C11orf65: variants seen among roughly 807,000 people sequenced by gnomAD.
The protein encoded by C11orf65 is chromosome 11 open reading frame 65, also known as protein MFI.
A neutral mutation model predicts 35.3 loss-of-function variants in C11orf65; 38 were observed. The observed-to-expected ratio is 1.08, with a 90% CI of 0.83 to 1.41. The LOEUF (loss-of-function observed/expected upper bound fraction) is 1.41, where lower values mean the gene tolerates loss of function less well. C11orf65 is among the 40% of genes most tolerant of loss of function. The probability of loss-of-function intolerance (pLI) is 0.00; values close to 1 mark genes in which losing one functional copy is unlikely to be tolerated. For synonymous variants in C11orf65, 105 were observed against 114.4 expected, an observed-to-expected ratio of 0.92 and a Z score of 0.53; for missense variants, 370 against 367.1, an observed-to-expected ratio of 1.01 and a Z score of -0.06.
At chr11:108,376,046 A>AAC (rs2091714860) in intron 2 of C11orf65, among the ~76,000 whole-genome samples, 1 of 152,118 alleles carries the variant, frequency 6.6e-6, no homozygotes, top group Non-Finnish European at 1.5e-5. Flanking sequence ...GGGAGACTTT[A>AAC]ACACCCCACT....
chr11:108,441,328 C>T (rs922768306), intron 2 of C11orf65, among the ~76,000 whole-genome samples: 2 of 152,196 alleles, frequency 1.3e-5, no homozygotes, highest in East Asian at 1.9e-4. Flanking sequence ...CCGGGAAGCT[C>T]GAATTGGGTG....
chr11:108,380,875 C>T (rs2091853133), downstream of C11orf65, among the ~76,000 whole-genome samples: 1 of 152,292 alleles, frequency 6.6e-6, no homozygotes, highest in Admixed American at 6.5e-5. Context: ...ATCAGAACCA[C>T]TATCTAAGGA....
intron 3 of C11orf65, among the ~76,000 whole-genome samples, chr11:108,427,719 CT>C (rs1565682348): frequency 1.1e-4 from 1 of 9,490 alleles, no homozygotes; most frequent in African/African-American, 4.7e-4. Flanking sequence ...GAAACTCCGC[CT>C]CAAAAAAAAA....
At chr11:108,365,779 C>T (rs944900966) in intron 2 of C11orf65, 12 of 442,514 alleles carry the variant, frequency 2.7e-5, no homozygotes, top group East Asian at 8.5e-5. Flanking sequence ...TTTGGGAGGC[C>T]GAGGTGAGCG....
chr11:108,336,988 A>G (rs558452239), intron 2 of C11orf65, among the ~76,000 whole-genome samples: 2 of 152,204 alleles, frequency 1.3e-5, no homozygotes, highest in Non-Finnish European at 2.9e-5. Context: ...AACAGGGACT[A>G]TGGGTGACAT....
At chr11:108,365,715 G>A (rs1188204774) in intron 2 of C11orf65, 1 of 685,322 alleles carries the variant, frequency 1.5e-6, no homozygotes, top group Non-Finnish European at 2.4e-6. Flanking sequence ...TCACTCTTTA[G>A]AAATAATGGT....
At chr11:108,394,981 CAT>C (rs2092269941) in intron 6 of C11orf65, among the ~76,000 whole-genome samples, 1 of 151,952 alleles carries the variant, frequency 6.6e-6, no homozygotes, top group Non-Finnish European at 1.5e-5. Flanking sequence ...CAATAAAAAA[CAT>C]AGCCAAGCAC....
intron 6 of C11orf65, among the ~76,000 whole-genome samples, chr11:108,399,075 C>A (rs2092383752): frequency 6.6e-6 from 1 of 152,106 alleles, no homozygotes; most frequent in Non-Finnish European, 1.5e-5. Context: ...GTTGTTGAGT[C>A]TATATAGGGC....
chr11:108,392,063 T>C (rs1157449488), intron 7 of C11orf65, among the ~76,000 whole-genome samples: 2 of 152,132 alleles, frequency 1.3e-5, no homozygotes, highest in Non-Finnish European at 2.9e-5. Flanking sequence ...TTTTTGTGTG[T>C]GTGTGTGTGT....
At chr11:108,314,183 A>AT in intron 6 of C11orf65, among the ~76,000 whole-genome samples, 1 of 152,024 alleles carries the variant, frequency 6.6e-6, no homozygotes, top group East Asian at 1.9e-4. Flanking sequence ...TGGTGCAGTC[A>AT]TAACACACTG....
rs186307279 is a variant in C11orf65, at chr11:108,461,979, T to C, written c.-9-411A>G. ...CCACTAGAACTCAATGAAAATTAAA[T>C]AGAGTTGTATAAATAAAACAATTAA... On this transcript the variant is annotated intron_variant, in intron 1 of 8. Transcript: ENST00000393084. Among the ~76,000 whole-genome samples, 10 of 152,202 alleles carry C rather than the reference T, an allele frequency of 6.6e-5. No individual in the cohort carries two copies. In the East Asian group the frequency reaches 1.7e-3, roughly 26 times the overall value.
chr11:108,381,695 G>A (rs75989531), downstream of C11orf65, among the ~76,000 whole-genome samples: 1,870 of 152,174 alleles, frequency 0.012, 47 homozygotes, highest in African/African-American at 0.042. Context: ...TAAACTATCT[G>A]TACCAATGTC....
chr11:108,448,628 C>T (rs754406312), intron 2 of C11orf65, among the ~76,000 whole-genome samples: 5 of 152,122 alleles, frequency 3.3e-5, no homozygotes, highest in African/African-American at 9.7e-5. Context: ...ATTGATGGGA[C>T]GTATCTCAAA....
At chr11:108,411,431 T>G (rs544140868) in intron 3 of C11orf65, among the ~76,000 whole-genome samples, 1 of 152,224 alleles carries the variant, frequency 6.6e-6, no homozygotes, top group Non-Finnish European at 1.5e-5. Flanking sequence ...AAAAATAACA[T>G]TACTTTTGCA....
chr11:108,399,625 T>A (rs1336302153), intron 6 of C11orf65, among the ~76,000 whole-genome samples: 1 of 152,184 alleles, frequency 6.6e-6, no homozygotes, highest in South Asian at 2.1e-4. Flanking sequence ...GTGGAGGCAA[T>A]GCAGCGTAAG....
intron 2 of C11orf65, among the ~76,000 whole-genome samples, chr11:108,441,755 C>T (rs970865019): frequency 5.9e-5 from 9 of 152,266 alleles, no homozygotes; most frequent in South Asian, 2.1e-4. Flanking sequence ...CCTGCAGCTG[C>T]GGGTCCTATT....
rs764906663 is a variant in C11orf65 at position 108,343,228 on chromosome 11, C to T, written c.227-7936G>A. 3 of 1,613,776 alleles carry T rather than the reference C, an allele frequency of 1.9e-6. No individual in the cohort carries two copies. Among genetic ancestry groups the T allele is most frequent in the Admixed American group, 1.7e-5 (1 of 59,968 alleles). Reference sequence around the variant, plus strand: ...ATTTAATCTGTAACTCCAGGTGGTTCCCCTCTCTCAGCGAAGTGGTGTTCT... The same window carrying T: ...ATTTAATCTGTAACTCCAGGTGGTTTCCCTCTCTCAGCGAAGTGGTGTTCT... On this transcript the variant is annotated intron_variant, in intron 2 of 3. Coordinates refer to the C11orf65 transcript ENST00000524755.
chr11:108,436,140 G>C (rs927303509), intron 2 of C11orf65, among the ~76,000 whole-genome samples: 17 of 151,820 alleles, frequency 1.1e-4, no homozygotes, highest in African/African-American at 3.9e-4. Flanking sequence ...GAAAATAGAA[G>C]GGCATAATGA....
chr11:108,455,748 G>A (rs1035177619), intron 2 of C11orf65, among the ~76,000 whole-genome samples: 9 of 149,072 alleles, frequency 6.0e-5, no homozygotes, highest in Admixed American at 3.4e-4. Context: ...CCCAGGAAGC[G>A]GTGGTTGCAG....
Sources: gnomAD v4.1 joint callset for allele counts (sites outside exome capture counted in the v4.1 genomes callset) on GRCh38, gnomAD v4.1.1 for gene constraint, MANE v1.5 for transcripts, NCBI Gene and HGNC (gene_info 2026-07-23, HGNC 2026-07-21) for gene names.